The following ZNF138 variants were observed in gnomAD, a reference collection of about 807,000 sequenced individuals.
ZNF138 encodes zinc finger protein 138.
ZNF138 carries 33 observed loss-of-function variants against 33.0 expected under a neutral mutation model. That is an observed-to-expected ratio of 1.00 (90% CI 0.76 to 1.34). The LOEUF (loss-of-function observed/expected upper bound fraction) is 1.34, where lower values mean the gene tolerates loss of function less well. Ranked by LOEUF, ZNF138 falls within the 40% of genes most tolerant of loss-of-function variation. The pLI, the probability that ZNF138 is intolerant of heterozygous loss-of-function variation, is 0.00. For synonymous variants in ZNF138, 139 were observed against 120.4 expected, an observed-to-expected ratio of 1.15 and a Z score of -1.01; for missense variants, 360 against 370.8, an observed-to-expected ratio of 0.97 and a Z score of 0.24.
intron 1 of ZNF138, among the ~76,000 whole-genome samples, chr7:64,805,737 C>A (rs922801580): frequency 2.0e-5 from 3 of 152,224 alleles, no homozygotes; most frequent in Non-Finnish European, 4.4e-5. Flanking sequence ...CCCTCTTCAA[C>A]CATTTCTATA....
chr7:64,834,831 GTTAAAA>G (rs752972593), downstream of ZNF138, among the ~76,000 whole-genome samples: 39 of 152,180 alleles, frequency 2.6e-4, no homozygotes, highest in African/African-American at 9.2e-4. Flanking sequence ...AATAATTTTA[GTTAAAA>G]TTAATTAGTA....
the ZNF138 span, among the ~76,000 whole-genome samples, chr7:64,843,180 A>T: frequency 5.9e-5 from 9 of 152,350 alleles, no homozygotes; most frequent in South Asian, 1.9e-3. Flanking sequence ...ATAGTATTCC[A>T]TTGTGTGTAT....
the ZNF138 span, chr7:64,852,311 G>C: frequency 2.0e-5 from 18 of 895,074 alleles, no homozygotes. Context: ...TGAGATTTTT[G>C]TTGCTTATAG....
intron 3 of ZNF138, among the ~76,000 whole-genome samples, chr7:64,824,049 A>G (rs1394370756): frequency 6.6e-6 from 1 of 152,206 alleles, no homozygotes; most frequent in Non-Finnish European, 1.5e-5. Flanking sequence ...AAGTTTGCAC[A>G]TAACTGTTAA....
At chr7:64,827,296 C>T (rs1179401180) in intron 3 of ZNF138, among the ~76,000 whole-genome samples, 5 of 150,556 alleles carry the variant, frequency 3.3e-5, no homozygotes, top group Non-Finnish European at 5.9e-5. Flanking sequence ...CACCCAGGCT[C>T]GAGTGCAGTG....
intron 1 of ZNF138, among the ~76,000 whole-genome samples, chr7:64,811,369 G>A (rs1788165078): frequency 6.6e-6 from 1 of 152,180 alleles, no homozygotes; most frequent in Non-Finnish European, 1.5e-5. Flanking sequence ...TCTTGAGACA[G>A]AGTGTTGCTG....
At chr7:64,829,394 AAC>A (rs1301464028) in intron 3 of ZNF138, among the ~76,000 whole-genome samples, 5 of 150,566 alleles carry the variant, frequency 3.3e-5, no homozygotes, top group Non-Finnish European at 7.4e-5. Flanking sequence ...CACAAACTCA[AAC>A]ACACACACAC....
chr7:64,844,595 A>AT, the ZNF138 span, among the ~76,000 whole-genome samples: 1 of 16,754 alleles, frequency 6.0e-5, no homozygotes. Flanking sequence ...ACTCTTTTTA[A>AT]TTTTTTATTT....
In ZNF138 at chr7:64,821,062, TTTG is replaced by T. The variant is rs1371604973; in HGVS notation, c.208+5412_208+5414del. The stretch of plus-strand genomic sequence containing the variant: ...TTTTTTTTGTTTTGTTTTTGGTTTT[TTTG>T]TTTTGTTTTGTTTTTTGTTTGTTTG... On this transcript the variant is annotated intron_variant, in intron 3 of 3. Coordinates refer to ENST00000307355, the MANE Select transcript of ZNF138 (RefSeq NM_001271639.2). Among the ~76,000 whole-genome samples the T allele has an allele frequency of 4.5e-4, 65 of 145,710 alleles. 3 individuals are homozygous for T. Among genetic ancestry groups the T allele is most frequent in the African/African-American group, 1.7e-3 (63 of 36,772 alleles).
At chr7:64,840,932 T>G in the ZNF138 span, among the ~76,000 whole-genome samples, 1 of 152,134 alleles carries the variant, frequency 6.6e-6, no homozygotes, top group Non-Finnish European at 1.5e-5. Context: ...AAAACAAATA[T>G]TTTAATAAGG....
downstream of ZNF138, chr7:64,836,722 G>A (rs1790376857): frequency 6.6e-6 from 1 of 152,182 alleles, no homozygotes; most frequent in African/African-American, 2.4e-5. Flanking sequence ...GACCCAGCTG[G>A]TATTGCATTT....
chr7:64,832,421 T>C lies in ZNF138; in HGVS notation c.*219T>C. 1 of 1,488,304 alleles carries C rather than the reference T, an allele frequency of 6.7e-7. No individual in the cohort carries two copies. Among genetic ancestry groups the C allele is most frequent in the Non-Finnish European group, 8.9e-7 (1 of 1,119,960 alleles). 92.2% of individuals were successfully genotyped at this position (1,488,304 alleles called of 1,614,324 possible). ...ATACTGGAGAAAAACCCTACAAATG[T>C]AAAGAATGTGGAAAAGCTTTTCACC... On this transcript the variant is annotated 3_prime_UTR_variant, in exon 4 of 4. Coordinates refer to ENST00000307355, the MANE Select transcript of ZNF138 (RefSeq NM_001271639.2).
intron 1 of ZNF138, among the ~76,000 whole-genome samples, chr7:64,810,908 A>T (rs1788127802): frequency 6.6e-6 from 1 of 152,250 alleles, no homozygotes; most frequent in Non-Finnish European, 1.5e-5. Flanking sequence ...GAAAAAATAA[A>T]GTATGTATTT....
At chr7:64,859,952 C>A in the ZNF138 span, among the ~76,000 whole-genome samples, 1 of 152,302 alleles carries the variant, frequency 6.6e-6, no homozygotes, top group Non-Finnish European at 1.5e-5. Context: ...GCCTGACCAA[C>A]ATGGTGAAAC....
intron 2 of ZNF138, 48 bp downstream of exon 2, chr7:64,815,092 A>G (rs1435457940): frequency 1.6e-6 from 2 of 1,222,470 alleles, no homozygotes; most frequent in African/African-American, 3.3e-5. Flanking sequence ...TAAAGGTTTC[A>G]TTTTTTTTTT....
Position 64,831,538 on chromosome 7 carries a change from A to G in ZNF138, c.296A>G (p.Lys99Arg). 6.2e-7 allele frequency: 1 copy of G among 1,613,468 alleles called. No individual in the cohort carries two copies. The highest frequency in any genetic ancestry group is 8.5e-7 in the Non-Finnish European group (1 of 1,179,770). ...FQKVTLSRYG[K>R]YGHKNLQLRK... ...AAAGTGACACTGAGCAGATATGGAA[A>G]ATATGGACATAAGAATTTACAGTTA... is the stretch of plus-strand genomic sequence containing the variant. Residue 99 changes from lysine (K) to arginine (R), a missense_variant, in exon 4 of 4, where the codon AAA becomes AGA. Coordinates refer to ENST00000307355, the MANE Select transcript of ZNF138 (RefSeq NM_001271639.2).
the ZNF138 span, among the ~76,000 whole-genome samples, chr7:64,858,016 A>G: frequency 1.3e-5 from 2 of 152,240 alleles, no homozygotes; most frequent in Non-Finnish European, 2.9e-5. Flanking sequence ...ACAACTTCAC[A>G]ATATTCTTAT....
chr7:64,808,349 T>C (rs1214197067), intron 1 of ZNF138, among the ~76,000 whole-genome samples: 2 of 152,194 alleles, frequency 1.3e-5, no homozygotes, highest in Admixed American at 1.3e-4. Context: ...TTGCTTGCAT[T>C]TCCTATGGCC....
intron 1 of ZNF138, among the ~76,000 whole-genome samples, chr7:64,803,497 A>T (rs1787329529): frequency 6.6e-6 from 1 of 152,204 alleles, no homozygotes; most frequent in Admixed American, 6.5e-5. Flanking sequence ...AGCGAGGTTC[A>T]GTGTATGAAC....
Sources: gnomAD v4.1 joint callset for allele counts (sites outside exome capture counted in the v4.1 genomes callset) on GRCh38, gnomAD v4.1.1 for gene constraint, MANE v1.5 for transcripts, NCBI Gene and HGNC (gene_info 2026-07-23, HGNC 2026-07-21) for gene names.